Variants in AGL observed in about 807,000 individuals in gnomAD.
The protein encoded by AGL is amylo-alpha-1,6-glucosidase and 4-alpha-glucanotransferase.
Under a neutral mutation model 199.3 loss-of-function variants are expected in AGL, and 128 were observed. That is an observed-to-expected ratio of 0.64 (90% CI 0.56 to 0.74). AGL has a LOEUF of 0.74. Ranked by LOEUF, AGL falls within the 30% of genes least tolerant of loss-of-function variation. AGL has a pLI of 0.00. For synonymous variants in AGL, 584 were observed against 594.7 expected (o/e 0.98, Z 0.26); for missense variants, 1,809 against 1,820.8 (o/e 0.99, Z 0.12).
chr1:99,872,651 C>G (rs1160914807), intron 7 of AGL, among the ~76,000 whole-genome samples: 1 of 151,904 alleles, frequency 6.6e-6, no homozygotes, highest in Non-Finnish European at 1.5e-5. Context: ...GCCTCAGCCT[C>G]CCAAGTAGCT....
chr1:99,863,635 A>T (rs980005754), intron 4 of AGL, among the ~76,000 whole-genome samples: 21 of 151,680 alleles, frequency 1.4e-4, no homozygotes, highest in Admixed American at 1.4e-3. Flanking sequence ...TTGTATTTTT[A>T]GTAGAGACAG....
rs558341853 is a variant in AGL at position 99,883,672 on chromosome 1, G to A, written c.2309-448G>A. On this transcript the variant is annotated intron_variant, in intron 17 of 33. Coordinates refer to ENST00000361915, the MANE Select transcript of AGL (RefSeq NM_000642.3). ...GGCATGTGTAGTGAAAATGCCAGGGGTAGTGAGCACCAAACTGAATTGAGG... is the reference window on the plus strand; with the variant it reads ...GGCATGTGTAGTGAAAATGCCAGGGATAGTGAGCACCAAACTGAATTGAGG... 5.9e-5 allele frequency among the ~76,000 whole-genome samples: 9 copies of A among 152,252 alleles called. No individual in the cohort carries two copies. The South Asian group carries it at 1.9e-3, about 32-fold the overall frequency.
intron 25 of AGL, among the ~76,000 whole-genome samples, chr1:99,900,046 A>G (rs1258535577): frequency 1.3e-5 from 2 of 151,548 alleles, no homozygotes; most frequent in Non-Finnish European, 2.9e-5. Flanking sequence ...TCTCTTGCCT[A>G]AGCCTTCTGA....
intron 25 of AGL, among the ~76,000 whole-genome samples, chr1:99,897,768 A>G (rs972511495): frequency 6.6e-6 from 1 of 152,172 alleles, no homozygotes; most frequent in African/African-American, 2.4e-5. Flanking sequence ...ACCAACTGAC[A>G]AATTACCTTA....
chr1:99,879,812 C>T lies in AGL; in HGVS notation c.1612-111C>T, dbSNP rs1651858608. The T allele has an allele frequency of 6.0e-6, 5 of 828,300 alleles. No homozygotes were observed. In the Admixed American group the frequency reaches 7.5e-5, roughly 12 times the overall value. The allele number at this position is 828,300 out of a possible 1,614,324, so 51.3% of individuals were successfully genotyped here. A position where few individuals can be genotyped will look rare whatever the true frequency, so the allele number is the denominator to read the frequency against. On this transcript the variant is annotated intron_variant, in intron 12 of 33. Transcript: ENST00000361915. ...TTTTGGTATGTTTGATATCTTGCTG[C>T]ATATTTTTCTATGTCAAATCATGCC...
Position 99,870,283 on chromosome 1 carries a change from C to T in AGL, c.665-117C>T, listed in dbSNP as rs1283076359. ...AACAGTATCATCGTAAAATTGATGTCCAATATAGAAAAAAATGAGTGGTAG... is the reference window on the plus strand; with the variant it reads ...AACAGTATCATCGTAAAATTGATGTTCAATATAGAAAAAAATGAGTGGTAG... On this transcript the variant is annotated intron_variant, in intron 5 of 33. Transcript: ENST00000361915. 5.6e-6 allele frequency: 6 copies of T among 1,079,890 alleles called. No homozygotes were observed. In the East Asian group the frequency reaches 1.3e-4, roughly 23 times the overall value. The allele number at this position is 1,079,890 out of a possible 1,614,324, so 66.9% of individuals were successfully genotyped here.
At chr1:99,851,191 G>A in intron 2 of AGL, 67 bp downstream of exon 2, 3 of 1,366,162 alleles carry the variant, frequency 2.2e-6, no homozygotes, top group Non-Finnish European at 3.1e-6. Flanking sequence ...TGGCAGTCCT[G>A]TTAAATGTTT....
chr1:99,908,771 G>A (rs998887856), intron 27 of AGL, among the ~76,000 whole-genome samples: 2 of 152,132 alleles, frequency 1.3e-5, no homozygotes, highest in South Asian at 2.1e-4. Flanking sequence ...CCAAGTAGCC[G>A]TTATTTAAGT....
At position 99,861,491 on chromosome 1, in the gene AGL, C is replaced by CT; in HGVS notation, c.83-7dup. On this transcript the variant is annotated splice_polypyrimidine_tract_variant and intron_variant, in intron 2 of 33. Coordinates refer to ENST00000361915, the MANE Select transcript of AGL (RefSeq NM_000642.3). ...CCTACGATGAGTTTATTAACATGTG[C>CT]TTTTTATTTAGGGTATGAGCTACAG... 1 of 1,613,532 alleles carries CT rather than the reference C, an allele frequency of 6.2e-7. No individual in the cohort carries two copies. Among genetic ancestry groups the CT allele is most frequent in the African/African-American group, 1.3e-5 (1 of 74,960 alleles).
rs137943515 is a variant in AGL, at chr1:99,874,756, G to A, written c.1028G>A (p.Arg343Gln). Reference sequence around the variant, plus strand: ...ATTATTCAAGATCCTGAATACAGACGGTTTGGCTGTACTGTAGATATGAAC... The same window carrying A: ...ATTATTCAAGATCCTGAATACAGACAGTTTGGCTGTACTGTAGATATGAAC... ...LTIIQDPEYRRFGCTVDMNIA... is the reference protein window; with the variant it reads ...LTIIQDPEYRQFGCTVDMNIA... The change falls in exon 8 of 34, where the codon CGG becomes CAG. Residue 343 changes from arginine to glutamine, a missense_variant. By Grantham distance (43) the Arg-to-Gln change is conservative. Transcript: ENST00000361915. The A allele has an allele frequency of 4.2e-4, 680 of 1,603,240 alleles. 1 individual carries two copies. The highest frequency in any genetic ancestry group is 5.1e-4 in the Non-Finnish European group (595 of 1,173,522).
chr1:99,864,498 G>A lies in AGL; in HGVS notation c.573G>A (p.Lys191=), dbSNP rs781491884. 11 of 1,613,666 alleles carry A rather than the reference G, an allele frequency of 6.8e-6. No homozygotes were observed. The highest frequency in any genetic ancestry group is 9.3e-6 in the Non-Finnish European group (11 of 1,179,842). Residue 191 remains lysine, a synonymous_variant, in exon 5 of 34, where the codon AAG becomes AAA. Transcript: ENST00000361915. The part of the protein sequence containing the change: ...LNPDFSRPNR[K]YTWNDVGQLV... ...CTGACTTTTCAAGACCTAATAGAAA[G>A]TATACCTGGAATGATGTTGGACAGC...
chr1:99,899,089 G>T (rs189125306), intron 25 of AGL, among the ~76,000 whole-genome samples: 1,928 of 150,754 alleles, frequency 0.013, 25 homozygotes, highest in Middle Eastern at 0.088. Flanking sequence ...AAATATATAT[G>T]TATATATAGA....
At chr1:99,891,551 A>T in intron 22 of AGL, 55 bp from the exon 23 acceptor site, 1 of 1,601,040 alleles carries the variant, frequency 6.2e-7, no homozygotes. Flanking sequence ...ACCTCTAAAA[A>T]CACACCTAGT....
rs762935611 is a variant in AGL at position 99,861,556 on chromosome 1, G to A, written c.136G>A (p.Val46Met). The A allele has an allele frequency of 1.7e-5, 28 of 1,613,830 alleles. No homozygotes were observed. The highest frequency in any genetic ancestry group is 1.3e-4 in the East Asian group (6 of 44,834). The change falls in exon 3 of 34, where the codon GTG becomes ATG. Residue 46 changes from valine (V) to methionine (M), a missense_variant. Transcript: ENST00000361915. Reference sequence around the variant, plus strand: ...AACTTTACAGGGAAAAGCAGTTACCGTGTATACAAATTACCCATTTCCTGG... The same window carrying A: ...AACTTTACAGGGAAAAGCAGTTACCATGTATACAAATTACCCATTTCCTGG... ...GPTLQGKAVT[V>M]YTNYPFPGET...
At chr1:99,891,808 A>C (rs1652921309) in intron 23 of AGL, 69 bp downstream of exon 23, 3 of 1,586,446 alleles carry the variant, frequency 1.9e-6, no homozygotes, top group Admixed American at 1.7e-5. Flanking sequence ...CACTTCATAC[A>C]TGTTCTTAAA....
At chr1:99,864,799 A>G (rs1277617812) in intron 5 of AGL, among the ~76,000 whole-genome samples, 1 of 152,218 alleles carries the variant, frequency 6.6e-6, no homozygotes, top group Non-Finnish European at 1.5e-5. Flanking sequence ...GATTAAGTCA[A>G]TATATAAGTA....
intron 2 of AGL, among the ~76,000 whole-genome samples, chr1:99,857,683 G>A (rs892974763): frequency 2.7e-5 from 4 of 150,844 alleles, no homozygotes; most frequent in African/African-American, 4.9e-5. Context: ...GTGGCGGCGC[G>A]CGCCTGCAAT....
chr1:99,881,041 A>C, intron 14 of AGL, 35 bp from the exon 15 acceptor site: 1 of 1,565,310 alleles, frequency 6.4e-7, no homozygotes, highest in Non-Finnish European at 8.8e-7. Flanking sequence ...ATTTGAAAGA[A>C]AGCAAACTTT....
chr1:99,911,689 C>A (rs1263384779), intron 28 of AGL, among the ~76,000 whole-genome samples: 1 of 152,178 alleles, frequency 6.6e-6, no homozygotes, highest in African/African-American at 2.4e-5. Context: ...ATGATCCACC[C>A]ACCTCAGCCT....
Sources: gnomAD v4.1 joint callset for allele counts (sites outside exome capture counted in the v4.1 genomes callset) on GRCh38, gnomAD v4.1.1 for gene constraint, MANE v1.5 for transcripts, NCBI Gene and HGNC (gene_info 2026-07-23, HGNC 2026-07-21) for gene names.